Variants in EML2 observed in about 807,000 individuals in gnomAD.
EML2 encodes echinoderm microtubule-associated protein-like 2.
EML2 carries 59 observed loss-of-function variants against 84.7 expected under a neutral mutation model. That is an observed-to-expected ratio of 0.70 (90% confidence interval 0.56 to 0.86). EML2 has a LOEUF of 0.86. Among genes scored for constraint, EML2 ranks in the 40% least tolerant of loss-of-function variants. EML2 has a pLI of 0.00. For missense variants in EML2, 818 were observed against 855.6 expected, an observed-to-expected ratio of 0.96 and a Z score of 0.55; for synonymous variants, 352 against 348.9, an observed-to-expected ratio of 1.01 and a Z score of -0.10.
chr19:45,641,762 C>T (rs1974531369), upstream of EML2: 1 of 1,535,904 alleles, frequency 6.5e-7, no homozygotes, highest in South Asian at 1.2e-5. Flanking sequence ...AAAGAGAGCA[C>T]ACAGGTGGGG....
At chr19:45,611,817 T>A (rs2122587471) in intron 18 of EML2, among the ~76,000 whole-genome samples, 1 of 152,100 alleles carries the variant, frequency 6.6e-6, no homozygotes, top group South Asian at 2.1e-4. Flanking sequence ...TAGGCATGAA[T>A]GCTCAATTTA....
chr19:45,644,951 A>C, upstream of EML2: 1 of 450,978 alleles, frequency 2.2e-6, no homozygotes. Context: ...GCTTGAGGGG[A>C]GAGAGAAAGG....
intron 6 of EML2, among the ~76,000 whole-genome samples, chr19:45,630,446 G>A (rs184741493): frequency 5.6e-4 from 85 of 151,696 alleles, no homozygotes; most frequent in Middle Eastern, 3.4e-3. Flanking sequence ...CCAGCTACTC[G>A]GGAGGCTGAG....
upstream of EML2, among the ~76,000 whole-genome samples, chr19:45,639,655 T>C (rs1974220163): frequency 6.6e-6 from 1 of 152,044 alleles, no homozygotes; most frequent in Non-Finnish European, 1.5e-5. Flanking sequence ...TGTACACAGG[T>C]CGTCCAACCT....
At chr19:45,633,287 CG>C in intron 4 of EML2, 148 bp from the exon 5 acceptor site, 2 of 785,332 alleles carry the variant, frequency 2.5e-6, no homozygotes, top group East Asian at 5.4e-5. Flanking sequence ...GGATGCCCTC[CG>C]GGTGCGCTGG....
upstream of EML2, chr19:45,642,531 CCCCACAGCTCTCCAA>C: frequency 7.1e-7 from 1 of 1,413,686 alleles, no homozygotes; most frequent in Non-Finnish European, 9.2e-7. Flanking sequence ...GGAAGGAAAT[CCCCACAGCTCTCCAA>C]CCCATCCGCA....
chr19:45,645,395 C>CA, upstream of EML2: 6 of 1,497,964 alleles, frequency 4.0e-6, no homozygotes, highest in Non-Finnish European at 5.3e-6. Flanking sequence ...CCGGTCCCCC[C>CA]AACCAGGCCC....
chr19:45,623,232 A>G (rs1362822611), intron 9 of EML2, among the ~76,000 whole-genome samples: 1 of 151,766 alleles, frequency 6.6e-6, no homozygotes, highest in Non-Finnish European at 1.5e-5. Flanking sequence ...GGTGGCGGGC[A>G]CCTGTAGTCC....
Position 45,638,832 on chromosome 19 carries a change from T to C in EML2, c.49+13A>G, listed in dbSNP as rs1418535503. 1 of 1,611,986 alleles carries C rather than the reference T, an allele frequency of 6.2e-7. No individual in the cohort carries two copies. On this transcript the variant is annotated intron_variant, in intron 2 of 18. Transcript: ENST00000245925. ...CAAGCTTCCACCGAGCCCTTCCCCA[T>C]CTCCCCACTCACCCACACTGAAGAT...
chr19:45,642,564 C>G (rs1165410957), upstream of EML2: 5 of 1,356,796 alleles, frequency 3.7e-6, no homozygotes, highest in South Asian at 5.6e-5. Context: ...GCACACTCCT[C>G]TCTGCCACAG....
intron 6 of EML2, 68 bp from the exon 7 acceptor site, chr19:45,630,114 ACCAAGGCATTCACCACACAG>A: frequency 8.6e-7 from 1 of 1,161,598 alleles, no homozygotes; most frequent in Non-Finnish European, 1.3e-6. Flanking sequence ...CCCCATGCCC[ACCAAGGCATTCACCACACAG>A]GCCTGTTTTA....
At chr19:45,633,801 G>A (rs1300186588) in intron 4 of EML2, among the ~76,000 whole-genome samples, 1 of 152,198 alleles carries the variant, frequency 6.6e-6, no homozygotes, top group Non-Finnish European at 1.5e-5. Flanking sequence ...CTAGAGTGCA[G>A]TGGCAGGATC....
chr19:45,638,739 G>A (rs952021890), intron 2 of EML2, 105 bp from the exon 3 acceptor site: 4 of 1,586,014 alleles, frequency 2.5e-6, no homozygotes, highest in African/African-American at 1.4e-5. Context: ...GGGAAACTGA[G>A]GCCAGAGAGG....
intron 13 of EML2, among the ~76,000 whole-genome samples, 164 bp downstream of exon 13, chr19:45,617,466 G>C (rs1439938118): frequency 6.6e-6 from 1 of 152,182 alleles, no homozygotes; most frequent in Non-Finnish European, 1.5e-5. Flanking sequence ...GCTGAGGCAG[G>C]CAAATCGCTT....
intron 15 of EML2, chr19:45,616,146 G>A: frequency 1.8e-6 from 1 of 562,170 alleles, no homozygotes; most frequent in Middle Eastern, 4.8e-4. Context: ...GGCAGGGCTA[G>A]ACACGGAGGA....
chr19:45,635,204 T>A (rs1249437806), intron 3 of EML2, among the ~76,000 whole-genome samples: 2 of 151,974 alleles, frequency 1.3e-5, no homozygotes, highest in East Asian at 3.9e-4. Context: ...AGTGGCATGA[T>A]CCCAGCTCAC....
chr19:45,613,736 G>A, intron 17 of EML2, 65 bp from the exon 18 acceptor site: 1 of 1,577,154 alleles, frequency 6.3e-7, no homozygotes, highest in Non-Finnish European at 8.7e-7. Flanking sequence ...AAGAGGAGCA[G>A]ATTGCCACTC....
intron 11 of EML2, 168 bp from the exon 12 acceptor site, chr19:45,619,359 GAACCC>G: frequency 1.3e-6 from 1 of 794,124 alleles, no homozygotes; most frequent in Non-Finnish European, 1.9e-6. Flanking sequence ...TTGGGCATCT[GAACCC>G]ATGCCCTGGT....
At chr19:45,645,509 G>T (rs891483004), upstream of EML2, 82 of 1,361,822 alleles carry the variant, frequency 6.0e-5, no homozygotes, top group Non-Finnish European at 7.3e-5. Context: ...TCATCCCCAG[G>T]ATGCCCAGAA....
Sources: gnomAD v4.1 joint callset for allele counts (sites outside exome capture counted in the v4.1 genomes callset) on GRCh38, gnomAD v4.1.1 for gene constraint, MANE v1.5 for transcripts, NCBI Gene and HGNC (gene_info 2026-07-23, HGNC 2026-07-21) for gene names.